IST1: variants seen among roughly 807,000 people sequenced by gnomAD.
IST1 encodes the protein IST1 factor associated with ESCRT-III, also known as IST1 homolog.
A neutral mutation model predicts 37.0 loss-of-function variants in IST1; 23 were observed. That is an observed-to-expected ratio of 0.62 (90% confidence interval 0.45 to 0.88). IST1 has a LOEUF of 0.88. Ranked by LOEUF, IST1 falls within the 40% of genes least tolerant of loss-of-function variation. The pLI, the probability that IST1 is intolerant of heterozygous loss-of-function variation, is 0.00. For synonymous variants in IST1, 180 were observed against 161.7 expected, an observed-to-expected ratio of 1.11 and a Z score of -0.86; for missense variants, 488 against 445.4, an observed-to-expected ratio of 1.10 and a Z score of -0.86.
chr16:71,897,204 G>A (rs1309540284), intron 1 of IST1, among the ~76,000 whole-genome samples: 3 of 149,816 alleles, frequency 2.0e-5, no homozygotes, highest in East Asian at 2.0e-4. Context: ...GTCGGGGTCG[G>A]GAGGGGAGAG....
intron 1 of IST1, among the ~76,000 whole-genome samples, chr16:71,913,585 CTGCTTCTGGG>C (rs1597246113): frequency 6.6e-6 from 1 of 152,174 alleles, no homozygotes; most frequent in East Asian, 1.9e-4. Context: ...ACCACAGCCT[CTGCTTCTGGG>C]ACTCCAGCAA....
chr16:71,911,492 C>A (rs1175831481), intron 1 of IST1, among the ~76,000 whole-genome samples: 1 of 152,104 alleles, frequency 6.6e-6, no homozygotes, highest in African/African-American at 2.4e-5. Flanking sequence ...AAGATCACAG[C>A]ACTGCACTCC....
chr16:71,900,016 A>T (rs77153414), intron 1 of IST1, among the ~76,000 whole-genome samples: 9 of 150,438 alleles, frequency 6.0e-5, no homozygotes, highest in African/African-American at 2.2e-4. Context: ...AAAAAAAAAA[A>T]TTAGCTGGGC....
upstream of IST1, chr16:71,895,104 G>T: frequency 2.8e-6 from 1 of 360,978 alleles, no homozygotes; most frequent in Non-Finnish European, 5.1e-6. Flanking sequence ...CCACCCAGGG[G>T]GAAAGTCCAG....
intron 1 of IST1, among the ~76,000 whole-genome samples, chr16:71,911,998 C>T (rs1379169949): frequency 6.6e-6 from 1 of 151,946 alleles, no homozygotes; most frequent in South Asian, 2.1e-4. Context: ...AGCCACTACT[C>T]CCGGCCAAAC....
chr16:71,905,226 G>C (rs1233579768), intron 1 of IST1, among the ~76,000 whole-genome samples: 4 of 151,816 alleles, frequency 2.6e-5, no homozygotes, highest in Non-Finnish European at 5.9e-5. Context: ...AGTAGAGATG[G>C]GGTTTTACTA....
Position 71,931,090 on chromosome 16 carries a change from CTA to C in IST1, c.*3279_*3280del, listed in dbSNP as rs1567482965. On this transcript the variant is annotated 3_prime_UTR_variant, in exon 10 of 10. Coordinates refer to ENST00000378799, the MANE Select transcript of IST1 (RefSeq NM_001270975.2). Reference sequence around the variant, plus strand: ...TTTTACTGTTTATTTTTTGTTTGCTCTATTTGTTTTTTAATGTTTTTTACTTT... The same window carrying C: ...TTTTACTGTTTATTTTTTGTTTGCTCTTTGTTTTTTAATGTTTTTTACTTT... 1 of 152,032 alleles carries C rather than the reference CTA, an allele frequency of 6.6e-6. No homozygotes were observed. The highest frequency in any genetic ancestry group is 1.9e-4 in the East Asian group (1 of 5,194). The allele number at this position is 152,032 out of a possible 1,614,324, so 9.4% of individuals were successfully genotyped here.
At chr16:71,904,318 TC>T (rs925662086) in intron 1 of IST1, among the ~76,000 whole-genome samples, 1 of 152,204 alleles carries the variant, frequency 6.6e-6, no homozygotes, top group African/African-American at 2.4e-5. Flanking sequence ...AGATGGGGTT[TC>T]GTCATGTTGA....
chr16:71,909,616 A>G (rs1197319587), intron 1 of IST1, among the ~76,000 whole-genome samples: 1 of 152,248 alleles, frequency 6.6e-6, no homozygotes, highest in Non-Finnish European at 1.5e-5. Flanking sequence ...TGATCATATC[A>G]GTTTATACAT....
chr16:71,905,162 A>G (rs573060745), intron 1 of IST1, among the ~76,000 whole-genome samples: 1 of 151,936 alleles, frequency 6.6e-6, no homozygotes, highest in Admixed American at 6.6e-5. Context: ...CAGCCTCCCA[A>G]GTAGCTGGGA....
chr16:71,912,468 A>G (rs1317095657), intron 1 of IST1, among the ~76,000 whole-genome samples: 1 of 151,930 alleles, frequency 6.6e-6, no homozygotes, highest in Non-Finnish European at 1.5e-5. Context: ...CGATCTCCTG[A>G]CTTCGTGATC....
At chr16:71,923,580 G>C in intron 8 of IST1, 200 bp downstream of exon 8, 2 of 422,684 alleles carry the variant, frequency 4.7e-6, no homozygotes, top group South Asian at 3.3e-5. Context: ...TGGTGGCAAT[G>C]CTTTGTCTGC....
Position 71,922,945 on chromosome 16 carries a change from C to T in IST1, c.759+265C>T, listed in dbSNP as rs1429599523. On this transcript the variant is annotated intron_variant, in intron 7 of 9. Coordinates refer to ENST00000378799, the MANE Select transcript of IST1 (RefSeq NM_001270975.2). ...GAATATCTTTGGGATCTGTTATAGT[C>T]ATACTAGTAGTTTTTTCCACAAATG... The T allele has an allele frequency of 7.5e-6, 4 of 533,188 alleles. No individual in the cohort carries two copies. In the East Asian group the frequency reaches 1.3e-4, roughly 18 times the overall value. 33.0% of individuals were successfully genotyped at this position (533,188 alleles called of 1,614,324 possible).
intron 7 of IST1, 51 bp from the exon 8 acceptor site, chr16:71,923,232 CTTCGA>C (rs1459223876): frequency 2.0e-6 from 2 of 979,256 alleles, no homozygotes; most frequent in Non-Finnish European, 3.2e-6. Flanking sequence ...ATACCCAAAC[CTTCGA>C]GATTGCAAAC....
chr16:71,921,493 G>T, intron 6 of IST1, 40 bp downstream of exon 6: 1 of 1,243,904 alleles, frequency 8.0e-7, no homozygotes, highest in Non-Finnish European at 1.2e-6. Context: ...TGAGTTTGTA[G>T]GTATGACCTT....
intron 1 of IST1, among the ~76,000 whole-genome samples, chr16:71,902,389 C>T (rs1053805973): frequency 1.3e-5 from 2 of 152,124 alleles, no homozygotes; most frequent in Non-Finnish European, 2.9e-5. Context: ...TCTGCCTCAG[C>T]CTCCCGAGTA....
At chr16:71,927,526 T>G in intron 9 of IST1, 88 bp from the exon 10 acceptor site, 9 of 910,680 alleles carry the variant, frequency 9.9e-6, no homozygotes, top group Non-Finnish European at 1.6e-5. Context: ...GGTTTTCTCC[T>G]GTGTTTTGAT....
chr16:71,917,198 T>C (rs1400231728), intron 4 of IST1, 64 bp downstream of exon 4: 8 of 955,730 alleles, frequency 8.4e-6, no homozygotes, highest in Middle Eastern at 2.1e-4. Flanking sequence ...TTGGTTAATA[T>C]AAGTTACTTC....
Position 71,921,332 on chromosome 16 carries a change from T to G in IST1, c.442-11T>G, listed in dbSNP as rs1467543199. 1.3e-6 allele frequency: 2 copies of G among 1,576,622 alleles called. No individual in the cohort carries two copies. Among genetic ancestry groups the G allele is most frequent in the Non-Finnish European group, 1.7e-6 (2 of 1,147,206 alleles). On this transcript the variant is annotated splice_polypyrimidine_tract_variant and intron_variant, in intron 5 of 9. Transcript: ENST00000378799. ...TACATGCATCTTAGCCCTGGGTCTT[T>G]TTACTTACAGCTAATGCACAAGCTG...
Sources: allele counts gnomAD v4.1 joint callset (sites outside exome capture counted in the v4.1 genomes callset), GRCh38; gene constraint gnomAD v4.1.1; transcripts MANE v1.5; gene names NCBI Gene and HGNC (gene_info 2026-07-23, HGNC 2026-07-21).